Variants in SORL1 observed in about 807,000 individuals in gnomAD.
SORL1 encodes sortilin-related receptor.
A neutral mutation model predicts 273.7 loss-of-function variants in SORL1; 127 were observed. That is an observed-to-expected ratio of 0.46 (90% CI 0.40 to 0.54). The LOEUF (loss-of-function observed/expected upper bound fraction) is 0.54, where lower values mean the gene tolerates loss of function less well. SORL1 is among the 20% of genes least tolerant of loss of function. The probability of loss-of-function intolerance (pLI) is 0.00; values close to 1 mark genes in which losing one functional copy is unlikely to be tolerated. For synonymous variants in SORL1, 1,031 were observed against 1,067.4 expected (o/e 0.97, Z 0.66); for missense variants, 2,494 against 2,846.1 (o/e 0.88, Z 2.81).
intron 30 of SORL1, 162 bp downstream of exon 30, chr11:121,590,336 T>C: frequency 1.5e-6 from 1 of 663,088 alleles, no homozygotes; most frequent in Non-Finnish European, 2.5e-6. Flanking sequence ...CATTTTGAAA[T>C]AAGTGTGGTT....
chr11:121,599,259 A>G (rs1393020066), intron 32 of SORL1, among the ~76,000 whole-genome samples: 1 of 152,148 alleles, frequency 6.6e-6, no homozygotes. Flanking sequence ...AAATAAACCA[A>G]ATAGGCCAGG....
intron 5 of SORL1, 135 bp from the exon 6 acceptor site, chr11:121,496,734 G>T (rs1861634682): frequency 5.9e-6 from 4 of 679,508 alleles, no homozygotes; most frequent in Non-Finnish European, 7.3e-6. Context: ...GGATATGTTT[G>T]AGGCACAGAG....
At chr11:121,536,413 G>T (rs1363698463) in intron 12 of SORL1, among the ~76,000 whole-genome samples, 1 of 147,992 alleles carries the variant, frequency 6.8e-6, no homozygotes, top group African/African-American at 2.5e-5. Context: ...AGAAGCAGGT[G>T]TTCTTATCAC....
intron 41 of SORL1, 47 bp from the exon 42 acceptor site, chr11:121,618,727 C>A: frequency 6.2e-7 from 1 of 1,611,228 alleles, no homozygotes; most frequent in Non-Finnish European, 8.5e-7. Flanking sequence ...GAAATGAGAT[C>A]ATCGGCCCAT....
At chr11:121,480,666 T>C (rs75020291) in intron 3 of SORL1, among the ~76,000 whole-genome samples, 5,489 of 28,894 alleles carry the variant, frequency 0.19, no homozygotes, top group Non-Finnish European at 0.21. Flanking sequence ...CTCCCCAGCT[T>C]CTCCCCTAGT....
intron 23 of SORL1, among the ~76,000 whole-genome samples, chr11:121,573,960 T>A (rs1591333611): frequency 6.6e-6 from 1 of 152,226 alleles, no homozygotes; most frequent in African/African-American, 2.4e-5. Context: ...GGAGGTCACC[T>A]AGCCTGTCAC....
rs564152080 is a variant in SORL1, at chr11:121,550,786, G to A, written c.2266+116G>A. 1.9e-4 allele frequency: 143 copies of A among 753,398 alleles called. No individual in the cohort carries two copies. The African/African-American group carries it at 2.1e-3, about 11-fold the overall frequency. 46.7% of individuals were successfully genotyped at this position (753,398 alleles called of 1,614,324 possible). ...AATTGAGTGGAGAAAAACAATGGCC[G>A]TCACAAGCATCACAGGGCTTCCTCT... On this transcript the variant is annotated intron_variant, in intron 16 of 47. Transcript: ENST00000260197. This position sits in a 1 kb window ranked among gnomAD's most constrained non-coding sequence, Gnocchi z 5.3.
At chr11:121,510,240 T>C (rs989579653) in intron 6 of SORL1, among the ~76,000 whole-genome samples, 3 of 152,230 alleles carry the variant, frequency 2.0e-5, no homozygotes, top group Non-Finnish European at 4.4e-5. Context: ...CCAAATTATA[T>C]GTGAAAAATT....
At chr11:121,460,773 T>TTAAG (rs972270626) in intron 1 of SORL1, among the ~76,000 whole-genome samples, 2 of 152,056 alleles carry the variant, frequency 1.3e-5, no homozygotes, top group African/African-American at 4.8e-5. Flanking sequence ...GGGCCCTGGG[T>TTAAG]TAAGAGCCAC....
At position 121,550,480 on chromosome 11, in the gene SORL1, G is replaced by A. The variant is rs1862490854; in HGVS notation, c.2181-105G>A. 1.1e-6 allele frequency: 1 copy of A among 900,010 alleles called. No homozygotes were observed. Among genetic ancestry groups the A allele is most frequent in the Non-Finnish European group, 1.8e-6 (1 of 547,514 alleles). 55.8% of individuals were successfully genotyped at this position (900,010 alleles called of 1,614,324 possible). ...TTTCTAGTTCTAAAGAGAAATGAGT[G>A]GATGGACTCTACTGGCCGTGGGTAG... is the stretch of plus-strand genomic sequence containing the variant. On this transcript the variant is annotated intron_variant, in intron 15 of 47. Coordinates refer to ENST00000260197, the MANE Select transcript of SORL1 (RefSeq NM_003105.6). The surrounding 1 kb of genome is among the most constrained non-coding windows in gnomAD (Gnocchi z 5.3).
intron 25 of SORL1, among the ~76,000 whole-genome samples, chr11:121,582,721 T>TAATCTGGTAG (rs1218974752): frequency 3.3e-5 from 5 of 152,352 alleles, no homozygotes; most frequent in Admixed American, 2.6e-4. Flanking sequence ...GGACACCACA[T>TAATCTGGTAG]ATTATTGGCT....
At chr11:121,527,098 G>A (rs1446828142) in intron 11 of SORL1, among the ~76,000 whole-genome samples, 1 of 151,918 alleles carries the variant, frequency 6.6e-6, no homozygotes, top group African/African-American at 2.4e-5. Context: ...TTCTCTCTCT[G>A]GGGGAAACAA....
intron 3 of SORL1, among the ~76,000 whole-genome samples, chr11:121,480,890 A>G (rs1238028271): frequency 7.1e-6 from 1 of 140,618 alleles, no homozygotes; most frequent in African/African-American, 2.7e-5. Flanking sequence ...CTTCTTCCGT[A>G]GTGCACAGAT....
intron 23 of SORL1, among the ~76,000 whole-genome samples, chr11:121,570,811 A>G (rs1792124): frequency 0.95 from 144,740 of 152,284 alleles, 68,994 homozygotes; most frequent in Non-Finnish European, 0.98. Context: ...TGTCATCTTT[A>G]GGCTGTATAA....
intron 20 of SORL1, 78 bp downstream of exon 20, chr11:121,558,915 G>A: frequency 6.5e-7 from 1 of 1,550,102 alleles, no homozygotes; most frequent in South Asian, 1.2e-5. Context: ...GCATCCCTGG[G>A]CTTTGCAGAG....
chr11:121,517,891 G>A (rs939467154), intron 8 of SORL1, among the ~76,000 whole-genome samples: 3 of 152,228 alleles, frequency 2.0e-5, no homozygotes, highest in East Asian at 1.9e-4. Flanking sequence ...TTAGCACATC[G>A]TGTGGGCAGG....
At position 121,542,067 on chromosome 11, in the gene SORL1, T is replaced by C. The variant is rs1299110166; in HGVS notation, c.1686-1481T>C. On this transcript the variant is annotated intron_variant, in intron 12 of 47. Coordinates refer to ENST00000260197, the MANE Select transcript of SORL1 (RefSeq NM_003105.6). The stretch of plus-strand genomic sequence containing the variant: ...GTTTGCTCTACTTCTATCATTGGTC[T>C]ATTTATCTATCCTGTGTATCCATCC... Among the ~76,000 whole-genome samples the C allele has an allele frequency of 7.2e-4, 109 of 152,370 alleles. 1 individual carries two copies. Among genetic ancestry groups the C allele is most frequent in the Non-Finnish European group, 4.4e-5 (3 of 68,028 alleles).
At chr11:121,505,876 C>T (rs991897434) in intron 6 of SORL1, among the ~76,000 whole-genome samples, 4 of 152,148 alleles carry the variant, frequency 2.6e-5, no homozygotes, top group African/African-American at 9.7e-5. Flanking sequence ...GAGAATGTGG[C>T]TGAACATGTG....
intron 23 of SORL1, among the ~76,000 whole-genome samples, chr11:121,574,009 C>T (rs950733544): frequency 2.0e-5 from 3 of 152,318 alleles, no homozygotes; most frequent in African/African-American, 7.2e-5. Context: ...CACTTTTCCC[C>T]GTCCTGTTCC....
Sources: allele counts gnomAD v4.1 joint callset (sites outside exome capture counted in the v4.1 genomes callset), GRCh38; gene constraint gnomAD v4.1.1; non-coding constraint Gnocchi (gnomAD v3.1); transcripts MANE v1.5; gene names NCBI Gene and HGNC (gene_info 2026-07-23, HGNC 2026-07-21).